SIL1: variants seen among roughly 807,000 people sequenced by gnomAD.
The protein encoded by SIL1 is SIL1 nucleotide exchange factor, also known as nucleotide exchange factor SIL1.
In SIL1, 40 loss-of-function variants were observed where a neutral mutation model predicts 49.1. That is an observed-to-expected ratio of 0.81 (90% CI 0.63 to 1.06). The LOEUF (loss-of-function observed/expected upper bound fraction) is 1.06. SIL1 is among the 50% of genes least tolerant of loss of function. The pLI is 0.00. For missense variants in SIL1, 500 were observed against 572.6 expected, an observed-to-expected ratio of 0.87 and a Z score of 1.29; for synonymous variants, 253 against 250.8, an observed-to-expected ratio of 1.01 and a Z score of -0.08.
At chr5:139,005,051 G>A (rs996054021) in intron 7 of SIL1, among the ~76,000 whole-genome samples, 1 of 152,130 alleles carries the variant, frequency 6.6e-6, no homozygotes, top group Non-Finnish European at 1.5e-5. Flanking sequence ...TTAAGTCCAA[G>A]ATATCTATCA....
At chr5:139,002,899 C>G (rs1279067384) in intron 7 of SIL1, among the ~76,000 whole-genome samples, 1 of 152,148 alleles carries the variant, frequency 6.6e-6, no homozygotes, top group African/African-American at 2.4e-5. Flanking sequence ...TTCAAAGTGT[C>G]CTTAGGTTTG....
At chr5:139,167,101 C>T (rs571040446) in intron 1 of SIL1, among the ~76,000 whole-genome samples, 1 of 151,146 alleles carries the variant, frequency 6.6e-6, no homozygotes, top group African/African-American at 2.4e-5. Flanking sequence ...CGTGAGCCAC[C>T]GCGCCCAGCC....
chr5:139,173,215 G>A (rs965806096), intron 1 of SIL1, among the ~76,000 whole-genome samples: 5 of 152,050 alleles, frequency 3.3e-5, no homozygotes, highest in Non-Finnish European at 5.9e-5. Context: ...TAAATGTAAT[G>A]CCCATGGCAA....
At position 139,026,785 on chromosome 5, in the gene SIL1, C is replaced by T. The variant is rs755743227; in HGVS notation, c.645+16G>A. ...AGCTGTTAAAAGTCTGACTTATGGACGAAGAAATACAGTACCTGATGGACA... is the reference window on the plus strand; with the variant it reads ...AGCTGTTAAAAGTCTGACTTATGGATGAAGAAATACAGTACCTGATGGACA... On this transcript the variant is annotated intron_variant, in intron 6 of 9. Coordinates refer to ENST00000394817, the MANE Select transcript of SIL1 (RefSeq NM_022464.5). The T allele has an allele frequency of 2.1e-5, 34 of 1,613,072 alleles. No individual in the cohort carries two copies. The highest frequency in any genetic ancestry group is 1.3e-4 in the East Asian group (6 of 44,882).
At chr5:138,980,070 C>G (rs1049885380) in intron 7 of SIL1, among the ~76,000 whole-genome samples, 1 of 152,188 alleles carries the variant, frequency 6.6e-6, no homozygotes, top group African/African-American at 2.4e-5. Context: ...AAAGGGGGCT[C>G]TAGGCTCTTG....
At chr5:139,166,925 C>T (rs1751635612) in intron 1 of SIL1, among the ~76,000 whole-genome samples, 1 of 152,220 alleles carries the variant, frequency 6.6e-6, no homozygotes, top group Non-Finnish European at 1.5e-5. Context: ...TCTCCTGCCT[C>T]AGCCTCCCAA....
At chr5:139,176,896 C>T (rs1751894287) in intron 1 of SIL1, among the ~76,000 whole-genome samples, 1 of 149,410 alleles carries the variant, frequency 6.7e-6, no homozygotes, top group African/African-American at 2.4e-5. Flanking sequence ...AGTCCAAGGT[C>T]ACATAGCTTC....
chr5:139,134,294 G>A (rs1287889822), intron 1 of SIL1, among the ~76,000 whole-genome samples: 1 of 152,084 alleles, frequency 6.6e-6, no homozygotes, highest in Non-Finnish European at 1.5e-5. Flanking sequence ...ACCATACCTG[G>A]CTTTTTAAAA....
At chr5:139,042,176 A>T (rs1769061857) in intron 5 of SIL1, among the ~76,000 whole-genome samples, 1 of 152,238 alleles carries the variant, frequency 6.6e-6, no homozygotes. Flanking sequence ...CATTTGCTAC[A>T]TGTTCAAAGG....
At chr5:139,004,286 C>T (rs1768060252) in intron 7 of SIL1, among the ~76,000 whole-genome samples, 1 of 152,134 alleles carries the variant, frequency 6.6e-6, no homozygotes, top group Non-Finnish European at 1.5e-5. Context: ...CAGGTGTGAG[C>T]CACTGTACCT....
chr5:139,085,931 A>C (rs1422113743), intron 3 of SIL1, among the ~76,000 whole-genome samples: 1 of 152,160 alleles, frequency 6.6e-6, no homozygotes, highest in Non-Finnish European at 1.5e-5. Flanking sequence ...GGAGTCAGGA[A>C]AGAGCTAACA....
chr5:138,972,688 A>T (rs1767304827), intron 7 of SIL1, among the ~76,000 whole-genome samples: 1 of 152,230 alleles, frequency 6.6e-6, no homozygotes, highest in African/African-American at 2.4e-5. Flanking sequence ...CTTGAGCCAC[A>T]AACTAATTTT....
At chr5:139,043,563 G>C (rs1769091771) in intron 4 of SIL1, among the ~76,000 whole-genome samples, 3 of 152,188 alleles carry the variant, frequency 2.0e-5, no homozygotes, top group Non-Finnish European at 4.4e-5. Context: ...GAATGGATTT[G>C]AGATACTAAG....
At position 138,973,880 on chromosome 5, in the gene SIL1, C is replaced by T. The variant is rs368738235; in HGVS notation, c.768-21996G>A. 9.9e-5 allele frequency among the ~76,000 whole-genome samples: 15 copies of T among 152,226 alleles called. No individual in the cohort carries two copies. In the East Asian group the frequency reaches 1.2e-3, roughly 12 times the overall value. ...GACTACAGGCATGAGCCATCACGCC[C>T]GGCCCAGATTTTTATATCACATATT... On this transcript the variant is annotated intron_variant, in intron 7 of 9. Transcript: ENST00000394817.
intron 3 of SIL1, among the ~76,000 whole-genome samples, chr5:139,089,543 TAA>T (rs72170331): frequency 0.021 from 3,176 of 152,210 alleles, 118 homozygotes; most frequent in African/African-American, 0.074. Context: ...AAAAAAGACA[TAA>T]AGAGTCCATC....
At chr5:138,990,792 C>A in intron 7 of SIL1, among the ~76,000 whole-genome samples, 1 of 152,136 alleles carries the variant, frequency 6.6e-6, no homozygotes, top group African/African-American at 2.4e-5. Context: ...CTCGGCTCAC[C>A]GCAACCTCTA....
intron 1 of SIL1, among the ~76,000 whole-genome samples, chr5:139,177,003 G>A (rs889391224): frequency 3.7e-5 from 5 of 136,844 alleles, no homozygotes; most frequent in East Asian, 4.3e-4. Context: ...CGCAAGCTTC[G>A]CTCACTGCAA....
intron 3 of SIL1, among the ~76,000 whole-genome samples, chr5:139,057,889 G>T (rs1769490665): frequency 6.6e-6 from 1 of 152,156 alleles, no homozygotes; most frequent in African/African-American, 2.4e-5. Context: ...TTCACATGGT[G>T]GAAGGGGCCA....
At chr5:139,042,181 C>CAAAGGA (rs1326323719) in intron 5 of SIL1, among the ~76,000 whole-genome samples, 1 of 152,186 alleles carries the variant, frequency 6.6e-6, no homozygotes, top group Non-Finnish European at 1.5e-5. Flanking sequence ...GCTACATGTT[C>CAAAGGA]AAAGGACAAG....
Sources: gnomAD v4.1 joint callset for allele counts (sites outside exome capture counted in the v4.1 genomes callset) on GRCh38, gnomAD v4.1.1 for gene constraint, MANE v1.5 for transcripts, NCBI Gene and HGNC (gene_info 2026-07-23, HGNC 2026-07-21) for gene names.